The following RBFOX3 variants were observed in gnomAD, a reference collection of about 807,000 sequenced individuals.
The protein encoded by RBFOX3 is RNA binding protein fox-1 homolog 3.
A neutral mutation model predicts 48.7 loss-of-function variants in RBFOX3; 17 were observed. That is an observed-to-expected ratio of 0.35 (90% CI 0.24 to 0.52). The LOEUF (loss-of-function observed/expected upper bound fraction) is 0.52, where lower values mean the gene tolerates loss of function less well. Ranked by LOEUF, RBFOX3 falls within the 20% of genes least tolerant of loss-of-function variation. The pLI is 0.94. For synonymous variants in RBFOX3, 212 were observed against 209.5 expected (o/e 1.01, Z -0.10); for missense variants, 382 against 497.5 (o/e 0.77, Z 2.21).
At chr17:79,600,925 C>A in intron 1 of RBFOX3, 1 of 152,490 alleles carries the variant, frequency 6.6e-6, no homozygotes. Flanking sequence ...AGTCCGCTGG[C>A]TCTGAAGGTG....
chr17:79,110,276 C>T (rs2030574774), intron 5 of RBFOX3, among the ~76,000 whole-genome samples: 2 of 152,186 alleles, frequency 1.3e-5, no homozygotes, highest in Admixed American at 6.5e-5. Context: ...CCATTATGGA[C>T]ACCTCCCCAG....
chr17:79,465,705 C>T (rs1189331124), intron 2 of RBFOX3, among the ~76,000 whole-genome samples: 5 of 152,240 alleles, frequency 3.3e-5, no homozygotes, highest in Non-Finnish European at 7.3e-5. Context: ...GGGCTCCCGT[C>T]GGGGCCTGCC....
At chr17:79,112,688 G>A (rs888819130) in intron 5 of RBFOX3, among the ~76,000 whole-genome samples, 2 of 152,096 alleles carry the variant, frequency 1.3e-5, no homozygotes, top group Non-Finnish European at 2.9e-5. Flanking sequence ...CTACCAGTGG[G>A]GTGGGTGATG....
chr17:79,614,734 G>C (rs1485873121), upstream of RBFOX3, among the ~76,000 whole-genome samples: 1 of 152,104 alleles, frequency 6.6e-6, no homozygotes, highest in Non-Finnish European at 1.5e-5. Context: ...GAAGTTAAAA[G>C]CATGAGAGCA....
upstream of RBFOX3, among the ~76,000 whole-genome samples, chr17:79,611,594 G>C (rs1218119954): frequency 1.3e-5 from 2 of 152,182 alleles, no homozygotes; most frequent in South Asian, 2.1e-4. Context: ...CTTGTGCCTC[G>C]CTGTCCCTGG....
At chr17:79,380,482 G>T (rs767250459) in intron 2 of RBFOX3, among the ~76,000 whole-genome samples, 9 of 152,160 alleles carry the variant, frequency 5.9e-5, no homozygotes, top group Non-Finnish European at 1.2e-4. Flanking sequence ...CCCCTGGCCT[G>T]GGAGAGGGCT....
At chr17:79,652,369 C>T in the RBFOX3 span, among the ~76,000 whole-genome samples, 1 of 151,296 alleles carries the variant, frequency 6.6e-6, no homozygotes, top group Non-Finnish European at 1.5e-5. Context: ...ATGCTTGAGC[C>T]CAGGAGGTCA....
At chr17:79,644,694 G>A in the RBFOX3 span, among the ~76,000 whole-genome samples, 1 of 152,158 alleles carries the variant, frequency 6.6e-6, no homozygotes, top group Non-Finnish European at 1.5e-5. Flanking sequence ...TGAACGAAGT[G>A]TACGTTGGAA....
intron 2 of RBFOX3, among the ~76,000 whole-genome samples, chr17:79,360,216 C>T (rs546707830): frequency 6.6e-6 from 1 of 152,270 alleles, no homozygotes; most frequent in African/African-American, 2.4e-5. Context: ...GCTAGCCCAG[C>T]TTCCCACCCT....
At chr17:79,287,114 C>T (rs1312918819) in intron 3 of RBFOX3, among the ~76,000 whole-genome samples, 1 of 152,222 alleles carries the variant, frequency 6.6e-6, no homozygotes, top group Non-Finnish European at 1.5e-5. Context: ...TGTTGGCAGA[C>T]CAGTGACAGA....
intron 1 of RBFOX3, among the ~76,000 whole-genome samples, chr17:79,504,169 C>T (rs782761281): frequency 6.4e-4 from 98 of 152,320 alleles, no homozygotes; most frequent in Non-Finnish European, 9.1e-4. Context: ...CACATGCAAC[C>T]GTTCAGTCGC....
rs1330679436 is a variant in RBFOX3, at chr17:79,397,255, G to C, written c.-175+85199C>G. Among the ~76,000 whole-genome samples, 4 of 152,280 alleles carry C rather than the reference G, an allele frequency of 2.6e-5. No homozygotes were observed. In the East Asian group the frequency reaches 5.8e-4, roughly 22 times the overall value. On this transcript the variant is annotated intron_variant, in intron 2 of 14. Coordinates refer to ENST00000693108, the MANE Select transcript of RBFOX3 (RefSeq NM_001350451.2). ...CCCAGCACTTTGGGAGGCCGAGGCA[G>C]GCGGATCATGAGGTCAAGAGATCGA...
In RBFOX3 at chr17:79,103,593, C is replaced by T. The variant is rs2146543831; in HGVS notation, c.415-339G>A. On this transcript the variant is annotated intron_variant, in intron 7 of 14. Coordinates refer to ENST00000693108, the MANE Select transcript of RBFOX3 (RefSeq NM_001350451.2). The surrounding 1 kb of genome is among the most constrained non-coding windows in gnomAD (Gnocchi z 6.1). ...ACAGGCCAGGCCTGCCCCCTGAACC[C>T]CACCTTGGGGTAGGGGGCCCAGGCT... Among the ~76,000 whole-genome samples the T allele has an allele frequency of 6.6e-6, 1 of 152,286 alleles. No homozygotes were observed. The highest frequency in any genetic ancestry group is 2.1e-4 in the South Asian group (1 of 4,828).
In RBFOX3 at chr17:79,385,081, G is replaced by A. The variant is rs1406218732; in HGVS notation, c.-174-77257C>T. On this transcript the variant is annotated intron_variant, in intron 2 of 14. Transcript: ENST00000693108. The stretch of plus-strand genomic sequence containing the variant: ...CCTGCCAGGCCCTTGCAAACCCCTC[G>A]GGTCCCAGGAATGCCCTGGCTCTTG... Among the ~76,000 whole-genome samples, 4 of 152,140 alleles carry A rather than the reference G, an allele frequency of 2.6e-5. No homozygotes were observed. In the East Asian group the frequency reaches 5.8e-4, roughly 22 times the overall value.
At chr17:79,096,898 G>C (rs1351044367) in intron 11 of RBFOX3, 65 bp from the exon 12 acceptor site, 1 of 618,828 alleles carries the variant, frequency 1.6e-6, no homozygotes, top group East Asian at 2.8e-5. Context: ...CAAACCCCGG[G>C]GCCCATAGCC....
At chr17:79,189,259 C>T (rs1216467562) in intron 4 of RBFOX3, among the ~76,000 whole-genome samples, 1 of 152,180 alleles carries the variant, frequency 6.6e-6, no homozygotes, top group African/African-American at 2.4e-5. Flanking sequence ...GATGCCCATT[C>T]GATATATGAT....
At chr17:79,567,663 G>A (rs1327861837) in intron 1 of RBFOX3, among the ~76,000 whole-genome samples, 2 of 152,132 alleles carry the variant, frequency 1.3e-5, no homozygotes, top group Admixed American at 1.3e-4. Flanking sequence ...TAAAAATAAA[G>A]GGAATAAGTA....
chr17:79,101,574 A>C lies in RBFOX3; in HGVS notation c.568+10T>G. On this transcript the variant is annotated intron_variant, in intron 9 of 14. Transcript: ENST00000693108. Reference sequence around the variant, plus strand: ...CCCCAGCAGCCTTGTGGGGGGACCCAGCCCCTTACCGTTGGTGTAGGGGTT... The same window carrying C: ...CCCCAGCAGCCTTGTGGGGGGACCCCGCCCCTTACCGTTGGTGTAGGGGTT... 6.4e-7 allele frequency: 1 copy of C among 1,550,592 alleles called. No individual in the cohort carries two copies. The highest frequency in any genetic ancestry group is 8.7e-7 in the Non-Finnish European group (1 of 1,146,418).
chr17:79,521,233 T>C (rs2149991558), intron 1 of RBFOX3, among the ~76,000 whole-genome samples: 1 of 145,788 alleles, frequency 6.9e-6, no homozygotes, highest in East Asian at 2.0e-4. Flanking sequence ...CACACACACA[T>C]TCTCATGCCC....
Sources: allele counts gnomAD v4.1 joint callset (sites outside exome capture counted in the v4.1 genomes callset), GRCh38; gene constraint gnomAD v4.1.1; non-coding constraint Gnocchi (gnomAD v3.1); transcripts MANE v1.5; gene names NCBI Gene and HGNC (gene_info 2026-07-23, HGNC 2026-07-21).